Variants in VAX1 observed in about 807,000 individuals in gnomAD.
The protein encoded by VAX1 is ventral anterior homeobox 1.
A neutral mutation model predicts 17.6 loss-of-function variants in VAX1; 6 were observed. That is an observed-to-expected ratio of 0.34 (90% CI 0.19 to 0.67). VAX1 has a LOEUF of 0.67. Among genes scored for constraint, VAX1 ranks in the 30% least tolerant of loss-of-function variants. VAX1 has a pLI of 0.69. For synonymous variants in VAX1, 256 were observed against 227.4 expected, an observed-to-expected ratio of 1.13 and a Z score of -1.13; for missense variants, 408 against 463.7, an observed-to-expected ratio of 0.88 and a Z score of 1.10.
Position 117,137,858 on chromosome 10 carries a change from A to G in VAX1, c.199T>C (p.Ser67Pro). 4 of 1,613,402 alleles carry G rather than the reference A, an allele frequency of 2.5e-6. No individual in the cohort carries two copies. The highest frequency in any genetic ancestry group is 3.4e-6 in the Non-Finnish European group (4 of 1,179,918). ...AEDCNKSKSN[S>P]AADPDYCRRI... Reference sequence around the variant, plus strand: ...CGGCAGTAATCCGGGTCCGCTGCGGAATTGGATTTACTTTTGTTACAATCC... The same window carrying G: ...CGGCAGTAATCCGGGTCCGCTGCGGGATTGGATTTACTTTTGTTACAATCC... The change falls in exon 1 of 3, where the codon TCC (serine) becomes CCC (proline). Residue 67 changes from serine to proline, a missense_variant. This residue lies in a region of VAX1 where 133 missense variants were observed against 112.0 expected (regional missense o/e 1.19). Transcript: ENST00000369206. This position sits in a 1 kb window ranked among gnomAD's most constrained non-coding sequence, Gnocchi z 7.4.
chr10:117,135,103 G>C (rs992742681), intron 2 of VAX1, among the ~76,000 whole-genome samples: 2 of 152,210 alleles, frequency 1.3e-5, no homozygotes, highest in African/African-American at 4.8e-5. Context: ...CTGGCCCAAT[G>C]CGCTCGGATT....
rs1564972237 is a variant in VAX1 at position 117,137,637 on chromosome 10, A to G, written c.241+179T>C. 6.6e-6 allele frequency among the ~76,000 whole-genome samples: 1 copy of G among 151,970 alleles called. No homozygotes were observed. Among genetic ancestry groups the G allele is most frequent in the Non-Finnish European group, 1.5e-5 (1 of 67,990 alleles). ...GCGTGGAGGGCCGAGGCCCCTGGAGAGCGCACCGGAGAGTCCCAGGCGCTT... is the reference window on the plus strand; with the variant it reads ...GCGTGGAGGGCCGAGGCCCCTGGAGGGCGCACCGGAGAGTCCCAGGCGCTT... On this transcript the variant is annotated intron_variant, in intron 1 of 2. Transcript: ENST00000369206. This position sits in a 1 kb window ranked among gnomAD's most constrained non-coding sequence, Gnocchi z 7.4.
rs1433638701 is a variant in VAX1, at chr10:117,137,402, G to A, written c.241+414C>T. 1.3e-5 allele frequency among the ~76,000 whole-genome samples: 2 copies of A among 152,320 alleles called. No individual in the cohort carries two copies. Among genetic ancestry groups the A allele is most frequent in the Non-Finnish European group, 2.9e-5 (2 of 68,026 alleles). ...CCCGCGATCGGCAGCTGTTCTCCGGGGCTCGCGTTCCCCCTTGGGTGCGCT... is the reference window on the plus strand; with the variant it reads ...CCCGCGATCGGCAGCTGTTCTCCGGAGCTCGCGTTCCCCCTTGGGTGCGCT... On this transcript the variant is annotated intron_variant, in intron 1 of 2. Transcript: ENST00000369206. This position sits in a 1 kb window ranked among gnomAD's most constrained non-coding sequence, Gnocchi z 7.4.
rs1854118082 is a variant in VAX1 at position 117,133,510 on chromosome 10, C to T, written c.*498G>A. The T allele has an allele frequency of 1.0e-6, 1 of 985,674 alleles. No homozygotes were observed. Among genetic ancestry groups the T allele is most frequent in the Non-Finnish European group, 1.2e-6 (1 of 830,116 alleles). 61.1% of individuals were successfully genotyped at this position (985,674 alleles called of 1,614,324 possible). ...CGGGGCCCAGGGGCTCCCACAAGCC[C>T]TGGTTTCCCTGGCAAGAGGAAGGAA... On this transcript the variant is annotated 3_prime_UTR_variant, in exon 3 of 3. Coordinates refer to ENST00000369206, the MANE Select transcript of VAX1 (RefSeq NM_001112704.2).
chr10:117,137,843 C>A lies in VAX1; in HGVS notation c.214G>T (p.Asp72Tyr). ...CGGACCAGGATCCGGCGGCAGTAAT[C>A]CGGGTCCGCTGCGGAATTGGATTTA... The part of the protein sequence containing the change: ...KSKSNSAADP[D>Y]YCRRILVRDA... Residue 72 changes from aspartate (D) to tyrosine (Y), a missense_variant, in exon 1 of 3, where the codon GAT becomes TAT. Around this residue, in one of 4 missense-constraint regions of VAX1, gnomAD observed 133 missense variants for 112.0 expected, o/e 1.19. Transcript: ENST00000369206. The surrounding 1 kb of genome is among the most constrained non-coding windows in gnomAD (Gnocchi z 7.4). 10 of 1,613,056 alleles carry A rather than the reference C, an allele frequency of 6.2e-6. No homozygotes were observed. The highest frequency in any genetic ancestry group is 8.5e-6 in the Non-Finnish European group (10 of 1,179,966).
Position 117,133,351 on chromosome 10 carries a change from A to G in VAX1, c.*657T>C, listed in dbSNP as rs570683971. On this transcript the variant is annotated 3_prime_UTR_variant, in exon 3 of 3. Coordinates refer to ENST00000369206, the MANE Select transcript of VAX1 (RefSeq NM_001112704.2). ...ATCAAATTTATCAGTGTCGTTGCCTACTACGACGTTTGTTACTGTTTCCTG... is the reference window on the plus strand; with the variant it reads ...ATCAAATTTATCAGTGTCGTTGCCTGCTACGACGTTTGTTACTGTTTCCTG... 1 of 985,424 alleles carries G rather than the reference A, an allele frequency of 1.0e-6. No homozygotes were observed. Among genetic ancestry groups the G allele is most frequent in the South Asian group, 4.7e-5 (1 of 21,288 alleles). The allele number at this position is 985,424 out of a possible 1,614,324, so 61.0% of individuals were successfully genotyped here. A position where few individuals can be genotyped will look rare whatever the true frequency, so the allele number is the denominator to read the frequency against.
At chr10:117,130,891 A>G (rs1346038612), downstream of VAX1, 2 of 152,608 alleles carry the variant, frequency 1.3e-5, no homozygotes, top group East Asian at 3.9e-4. Flanking sequence ...TAAGAAAGCA[A>G]AAAGGAGAAA....
downstream of VAX1, chr10:117,128,830 G>T (rs1854048526): frequency 1.3e-5 from 2 of 152,174 alleles, no homozygotes; most frequent in Admixed American, 1.3e-4. Flanking sequence ...AAACCTGAAG[G>T]GCTCTCCTCC....
chr10:117,132,606 C>T, downstream of VAX1: 1 of 1,069,418 alleles, frequency 9.4e-7, no homozygotes, highest in Non-Finnish European at 1.3e-6. This position sits in a 1 kb window ranked among gnomAD's most constrained non-coding sequence, Gnocchi z 4.9. Flanking sequence ...GACACTGCGG[C>T]ACCTCGCAGT....
rs1250809876 is a variant in VAX1, at chr10:117,138,264, G to C, written c.-208C>G. 1 of 638,078 alleles carries C rather than the reference G, an allele frequency of 1.6e-6. No individual in the cohort carries two copies. The highest frequency in any genetic ancestry group is 2.6e-6 in the Non-Finnish European group (1 of 379,060). 39.5% of individuals were successfully genotyped at this position (638,078 alleles called of 1,614,324 possible). A position where few individuals can be genotyped will look rare whatever the true frequency, so the allele number is the denominator to read the frequency against. ...GGCCGCGCGCGGGTCAGCGGCGACG[G>C]GAGAGTGGCGCGCTCGCCGAGAGGC... is the stretch of plus-strand genomic sequence containing the variant. On this transcript the variant is annotated 5_prime_UTR_variant, in exon 1 of 3. Transcript: ENST00000369206.
In VAX1 at chr10:117,137,474, G is replaced by A. The variant is rs1359063632; in HGVS notation, c.241+342C>T. ...TCCCCTGGCCGGCTCCCGGCAGGTC[G>A]TCCGGCCCTTGGAGCGCGCACACCT... On this transcript the variant is annotated intron_variant, in intron 1 of 2. Transcript: ENST00000369206. The surrounding 1 kb of genome is among the most constrained non-coding windows in gnomAD (Gnocchi z 7.4). 2.6e-5 allele frequency among the ~76,000 whole-genome samples: 4 copies of A among 152,212 alleles called. No homozygotes were observed. The highest frequency in any genetic ancestry group is 5.9e-5 in the Non-Finnish European group (4 of 68,028).
In VAX1 at chr10:117,134,672, G is replaced by T; in HGVS notation, c.430-89C>A. 1.5e-6 allele frequency: 2 copies of T among 1,335,346 alleles called. No homozygotes were observed. The highest frequency in any genetic ancestry group is 3.0e-5 in the South Asian group (2 of 66,322). The allele number at this position is 1,335,346 out of a possible 1,614,324, so 82.7% of individuals were successfully genotyped here. A position where few individuals can be genotyped will look rare whatever the true frequency, so the allele number is the denominator to read the frequency against. On this transcript the variant is annotated intron_variant, in intron 2 of 2. Transcript: ENST00000369206. This position sits in a 1 kb window ranked among gnomAD's most constrained non-coding sequence, Gnocchi z 6.2. Reference sequence around the variant, plus strand: ...GAGCTCCCGGGGCGCGCGGCTCCGGGGCTCTCCCCAAGTCCCAGCCCTATC... The same window carrying T: ...GAGCTCCCGGGGCGCGCGGCTCCGGTGCTCTCCCCAAGTCCCAGCCCTATC...
At chr10:117,129,098 A>T (rs1260866572), downstream of VAX1, 2 of 152,272 alleles carry the variant, frequency 1.3e-5, no homozygotes. Flanking sequence ...GAAACTGTGG[A>T]TTAATTTGTT....
Position 117,133,833 on chromosome 10 carries a change from A to C in VAX1, c.*175T>G. On this transcript the variant is annotated 3_prime_UTR_variant, in exon 3 of 3. Transcript: ENST00000369206. ...CTCAGAGGAAAGGTAGTAGAAAAAA[A>C]AAATAGCCCGAATGAGATGAAATTG... is the stretch of plus-strand genomic sequence containing the variant. The C allele has an allele frequency of 7.5e-7, 1 of 1,331,744 alleles. No individual in the cohort carries two copies. The highest frequency in any genetic ancestry group is 9.5e-7 in the Non-Finnish European group (1 of 1,049,518). The allele number at this position is 1,331,744 out of a possible 1,614,324, so 82.5% of individuals were successfully genotyped here.
Position 117,138,015 on chromosome 10 carries a change from C to A in VAX1, c.42G>T (p.Ser14=), listed in dbSNP as rs778607908. ...TCGAGACCCGGGCAGCCTCGGCGTC[C>A]GAGTGGCATCGAACGTCCATTTTGT... ...KPDKMDVRCH[S]DAEAARVSKN... is the part of the protein sequence containing the mutation. The change falls in exon 1 of 3, where the codon TCG becomes TCT. Residue 14 remains serine, a synonymous_variant. Transcript: ENST00000369206. 1 of 1,609,700 alleles carries A rather than the reference C, an allele frequency of 6.2e-7. No homozygotes were observed. Among genetic ancestry groups the A allele is most frequent in the South Asian group, 1.1e-5 (1 of 91,004 alleles).
At chr10:117,130,621 A>G (rs1170314088), downstream of VAX1, 1 of 152,240 alleles carries the variant, frequency 6.6e-6, no homozygotes, top group East Asian at 1.9e-4. Flanking sequence ...GGAAGCCAGA[A>G]GCCTCCAGGG....
Position 117,136,405 on chromosome 10 carries a change from C to A in VAX1, c.429+67G>T. On this transcript the variant is annotated intron_variant, in intron 2 of 2. Transcript: ENST00000369206. This position sits in a 1 kb window ranked among gnomAD's most constrained non-coding sequence, Gnocchi z 5.0. ...CCAGAGCAGGTTAGGAGGTGAAGAG[C>A]AGGCTAGGTAGGGGTGGTGGGGAGG... 1 of 1,588,808 alleles carries A rather than the reference C, an allele frequency of 6.3e-7. No homozygotes were observed. Among genetic ancestry groups the A allele is most frequent in the African/African-American group, 1.3e-5 (1 of 74,430 alleles).
chr10:117,134,119 C>A lies in VAX1; in HGVS notation c.894G>T (p.Ser298=). ...AGAGTTCTTGCAAATTCCCAGCTAG[C>A]GAACCAGCCATTGTTAACGGGGCGG... The part of the protein sequence containing the change: ...LSSAPLTMAG[S]LAGNLQELSA... The change falls in exon 3 of 3, where the codon TCG becomes TCT. Residue 298 remains serine, a synonymous_variant. Coordinates refer to ENST00000369206, the MANE Select transcript of VAX1 (RefSeq NM_001112704.2). The surrounding 1 kb of genome is among the most constrained non-coding windows in gnomAD (Gnocchi z 6.2). 2 of 1,535,818 alleles carry A rather than the reference C, an allele frequency of 1.3e-6. No individual in the cohort carries two copies. Among genetic ancestry groups the A allele is most frequent in the Middle Eastern group, 3.4e-4 (2 of 5,952 alleles).
In VAX1 at chr10:117,133,820, G is replaced by A; in HGVS notation, c.*188C>T. On this transcript the variant is annotated 3_prime_UTR_variant, in exon 3 of 3. Coordinates refer to ENST00000369206, the MANE Select transcript of VAX1 (RefSeq NM_001112704.2). ...GTTGGGGAGGAATCTCAGAGGAAAG[G>A]TAGTAGAAAAAAAAAATAGCCCGAA... 7.5e-7 allele frequency: 1 copy of A among 1,333,954 alleles called. No individual in the cohort carries two copies. The allele number at this position is 1,333,954 out of a possible 1,614,324, so 82.6% of individuals were successfully genotyped here. A position where few individuals can be genotyped will look rare whatever the true frequency, so the allele number is the denominator to read the frequency against.
Sources: allele counts gnomAD v4.1 joint callset (sites outside exome capture counted in the v4.1 genomes callset), GRCh38; gene constraint gnomAD v4.1.1; regional missense constraint gnomAD v4.1.1; non-coding constraint Gnocchi (gnomAD v3.1); transcripts MANE v1.5; gene names NCBI Gene and HGNC (gene_info 2026-07-23, HGNC 2026-07-21).